IGF2BP1: variants seen among roughly 807,000 people sequenced by gnomAD.
IGF2BP1 encodes the protein insulin-like growth factor 2 mRNA-binding protein 1.
Under a neutral mutation model 74.9 loss-of-function variants are expected in IGF2BP1, and 11 were observed. That is an observed-to-expected ratio of 0.15 (90% CI 0.09 to 0.24). The LOEUF is 0.24. Ranked by LOEUF, IGF2BP1 falls within the 10% of genes least tolerant of loss-of-function variation. IGF2BP1 has a pLI of 1.00. For synonymous variants in IGF2BP1, 287 were observed against 281.8 expected, an observed-to-expected ratio of 1.02 and a Z score of -0.18; for missense variants, 440 against 757.4, an observed-to-expected ratio of 0.58 and a Z score of 4.92.
chr17:49,008,172 CAAA>C (rs78718299), intron 2 of IGF2BP1, among the ~76,000 whole-genome samples: 7 of 90,200 alleles, frequency 7.8e-5, no homozygotes, highest in Admixed American at 1.2e-4. Context: ...AATTCCATCT[CAAA>C]AAAAAAAAAA....
intron 7 of IGF2BP1, among the ~76,000 whole-genome samples, chr17:49,041,121 G>A (rs944095047): frequency 2.6e-5 from 4 of 152,336 alleles, no homozygotes; most frequent in African/African-American, 9.6e-5. Flanking sequence ...CAAGGCTGTG[G>A]TGAGCCTTGA....
In IGF2BP1 at chr17:49,044,987, T is replaced by G. The variant is rs1364842625; in HGVS notation, c.1321-4T>G. The G allele has an allele frequency of 3.1e-6, 5 of 1,613,942 alleles. No homozygotes were observed. The highest frequency in any genetic ancestry group is 8.5e-7 in the Non-Finnish European group (1 of 1,179,892). ...CCCTCATTGACTAGCTTTTTGCTTT[T>G]TAGATTGCACCACCCGAAACACCTG... On this transcript the variant is annotated splice_polypyrimidine_tract_variant and splice_region_variant and intron_variant, in intron 11 of 14. Transcript: ENST00000290341.
At chr17:49,035,979 T>C (rs1598152036) in intron 5 of IGF2BP1, among the ~76,000 whole-genome samples, 1 of 152,102 alleles carries the variant, frequency 6.6e-6, no homozygotes, top group African/African-American at 2.4e-5. Flanking sequence ...CTCGGCCTGG[T>C]AATTTGACAC....
intron 2 of IGF2BP1, among the ~76,000 whole-genome samples, chr17:49,006,880 G>C (rs2041556891): frequency 6.6e-6 from 1 of 152,242 alleles, no homozygotes; most frequent in African/African-American, 2.4e-5. Context: ...CTGAGACAGA[G>C]GCTTGGAGAG....
In IGF2BP1 at chr17:49,038,874, A is replaced by ATCTTTTTTTTTTTTTTTTT. The variant is rs1491495832; in HGVS notation, c.683+426_683+427insCTTTTTTTTTTTTTTTTTT. On this transcript the variant is annotated intron_variant, in intron 6 of 14. Transcript: ENST00000290341. ...CTGCCACTGCCACCTTCTTTCTTTA[A>ATCTTTTTTTTTTTTTTTTT]TATTTTTTTTTTTTTTTTTTTGAGA... Among the ~76,000 whole-genome samples, 28 of 75,272 alleles carry ATCTTTTTTTTTTTTTTTTT rather than the reference A, an allele frequency of 3.7e-4. 1 individual carries two copies. Among genetic ancestry groups the ATCTTTTTTTTTTTTTTTTT allele is most frequent in the African/African-American group, 1.4e-3 (25 of 17,826 alleles). 49.4% of individuals were successfully genotyped at this position (75,272 alleles called of 152,430 possible). A position where few individuals can be genotyped will look rare whatever the true frequency, so the allele number is the denominator to read the frequency against.
At chr17:49,023,044 C>T (rs1485290916) in intron 2 of IGF2BP1, among the ~76,000 whole-genome samples, 4 of 152,236 alleles carry the variant, frequency 2.6e-5, no homozygotes, top group Non-Finnish European at 4.4e-5. Flanking sequence ...ATTTCTTTTC[C>T]TCATTTCTTC....
chr17:49,016,776 C>G (rs1208067471), intron 2 of IGF2BP1, among the ~76,000 whole-genome samples: 1 of 149,174 alleles, frequency 6.7e-6, no homozygotes. Context: ...GCCTGCCACT[C>G]GACAGCCCGC....
At chr17:49,011,136 TCAAAAAA>T (rs766457959) in intron 2 of IGF2BP1, among the ~76,000 whole-genome samples, 2 of 15,342 alleles carry the variant, frequency 1.3e-4, no homozygotes, top group Non-Finnish European at 2.1e-4. Context: ...AGACTCTGTC[TCAAAAAA>T]AAAAAAAAAA....
chr17:49,009,511 A>G (rs1033125692), intron 2 of IGF2BP1, among the ~76,000 whole-genome samples: 1 of 151,390 alleles, frequency 6.6e-6, no homozygotes, highest in Non-Finnish European at 1.5e-5. Context: ...GGAGTTCAAG[A>G]CCAGCCTGGC....
At chr17:49,001,499 G>A (rs1158949077) in intron 2 of IGF2BP1, among the ~76,000 whole-genome samples, 1 of 152,062 alleles carries the variant, frequency 6.6e-6, no homozygotes, top group African/African-American at 2.4e-5. Context: ...TCAAACAAAA[G>A]ATATGCTGTA....
rs528695135 is a variant in IGF2BP1 at position 49,049,757 on chromosome 17, G to A, written c.*313G>A. ...AAGAGGGTGGATCACACCTCAGTGG[G>A]AAGAAAAATAAAATTTCCTTCAGGT... On this transcript the variant is annotated 3_prime_UTR_variant, in exon 15 of 15. Transcript: ENST00000290341. 2.8e-3 allele frequency: 638 copies of A among 231,316 alleles called. 10 individuals carry two copies. The highest frequency in any genetic ancestry group is 2.5e-3 in the South Asian group (23 of 9,024). The allele number at this position is 231,316 out of a possible 1,614,324, so 14.3% of individuals were successfully genotyped here.
chr17:49,012,641 C>T (rs1343511459), intron 2 of IGF2BP1: 2 of 152,166 alleles, frequency 1.3e-5, no homozygotes, highest in African/African-American at 4.8e-5. Flanking sequence ...GCTTCCCTTT[C>T]CCTCCTCCTC....
intron 4 of IGF2BP1, among the ~76,000 whole-genome samples, chr17:49,027,659 T>C (rs2041873647): frequency 6.6e-6 from 1 of 150,768 alleles, no homozygotes; most frequent in Admixed American, 6.6e-5. Context: ...GAGACCATCC[T>C]GGCTAACACG....
intron 2 of IGF2BP1, among the ~76,000 whole-genome samples, chr17:49,009,153 C>T (rs959665649): frequency 6.6e-6 from 1 of 151,874 alleles, no homozygotes; most frequent in Non-Finnish European, 1.5e-5. Flanking sequence ...TCAGCCTCCC[C>T]GAGTAGCTGG....
intron 4 of IGF2BP1, among the ~76,000 whole-genome samples, chr17:49,031,500 TC>T (rs2041921099): frequency 2.0e-5 from 3 of 151,606 alleles, no homozygotes; most frequent in Admixed American, 6.6e-5. Flanking sequence ...TTTTCTTTCT[TC>T]TTTTTTTTTT....
intron 2 of IGF2BP1, among the ~76,000 whole-genome samples, chr17:49,009,186 C>T (rs1047515613): frequency 2.6e-5 from 4 of 151,782 alleles, no homozygotes; most frequent in African/African-American, 9.7e-5. Context: ...GCGCCAGCAC[C>T]CCTGGCTAAT....
At position 49,038,441 on chromosome 17, in the gene IGF2BP1, C is replaced by G; in HGVS notation, c.675C>G (p.Thr225=). Residue 225 remains threonine (T), a synonymous_variant, in exon 6 of 15, where the codon ACC becomes ACG. Coordinates refer to ENST00000290341, the MANE Select transcript of IGF2BP1 (RefSeq NM_006546.4). ...GATIRNITKQ[T]QSKIDVHRKE... ...CCATCCGCAACATCACAAAACAGAC[C>G]CAGTCCAAGTGAGTCTTGGCTCTTG... 1 of 1,528,352 alleles carries G rather than the reference C, an allele frequency of 6.5e-7. No individual in the cohort carries two copies. Among genetic ancestry groups the G allele is most frequent in the Non-Finnish European group, 8.8e-7 (1 of 1,133,524 alleles). The allele number at this position is 1,528,352 out of a possible 1,614,324, so 94.7% of individuals were successfully genotyped here. A position where few individuals can be genotyped will look rare whatever the true frequency, so the allele number is the denominator to read the frequency against.
rs370164045 is a variant in IGF2BP1, at chr17:49,037,581, A to G, written c.402-587A>G. Among the ~76,000 whole-genome samples the G allele has an allele frequency of 1.1e-4, 17 of 152,326 alleles. No homozygotes were observed. The South Asian group carries it at 3.3e-3, about 30-fold the overall frequency. ...TTTTTATCTGAAATAAAGATCTTTT[A>G]TTTCAAAAACGAAAATAAACCCCAC... On this transcript the variant is annotated intron_variant, in intron 5 of 14. Coordinates refer to ENST00000290341, the MANE Select transcript of IGF2BP1 (RefSeq NM_006546.4).
intron 9 of IGF2BP1, 91 bp from the exon 10 acceptor site, chr17:49,043,337 C>T (rs1167972011): frequency 2.0e-6 from 3 of 1,487,866 alleles, no homozygotes; most frequent in East Asian, 2.3e-5. Context: ...GCCCACTTGC[C>T]TCTGGGGCTA....
Sources: gnomAD v4.1 joint callset for allele counts (sites outside exome capture counted in the v4.1 genomes callset) on GRCh38, gnomAD v4.1.1 for gene constraint, MANE v1.5 for transcripts, NCBI Gene and HGNC (gene_info 2026-07-23, HGNC 2026-07-21) for gene names.